The following ARHGAP40 variants were observed in gnomAD, a reference collection of about 807,000 sequenced individuals.
ARHGAP40 encodes the protein rho GTPase-activating protein 40.
A neutral mutation model predicts 73.5 loss-of-function variants in ARHGAP40; 43 were observed. The observed-to-expected ratio is 0.58, with a 90% CI of 0.46 to 0.75. The LOEUF is 0.75. Ranked by LOEUF, ARHGAP40 falls within the 30% of genes least tolerant of loss-of-function variation. The pLI, the probability that ARHGAP40 is intolerant of heterozygous loss-of-function variation, is 0.00. For missense variants in ARHGAP40, 734 were observed against 861.8 expected, an observed-to-expected ratio of 0.85 and a Z score of 1.86; for synonymous variants, 300 against 352.8, an observed-to-expected ratio of 0.85 and a Z score of 1.68.
chr20:38,637,654 C>A, intron 6 of ARHGAP40, 54 bp from the exon 7 acceptor site: 1 of 1,257,566 alleles, frequency 8.0e-7, no homozygotes, highest in Non-Finnish European at 1.1e-6. Context: ...TAGGTCGGAG[C>A]CCAGTGATCA....
chr20:38,633,783 G>A (rs1048073537), intron 5 of ARHGAP40, among the ~76,000 whole-genome samples: 6 of 152,362 alleles, frequency 3.9e-5, no homozygotes, highest in Admixed American at 3.3e-4. Context: ...AAAGCCTGGA[G>A]CTGCCTGCAG....
Position 38,646,596 on chromosome 20 carries a change from G to A in ARHGAP40, c.1711-361G>A, listed in dbSNP as rs1414380035. Among the ~76,000 whole-genome samples, 1 of 152,180 alleles carries A rather than the reference G, an allele frequency of 6.6e-6. No individual in the cohort carries two copies. The highest frequency in any genetic ancestry group is 1.5e-5 in the Non-Finnish European group (1 of 68,042). On this transcript the variant is annotated intron_variant, in intron 12 of 14. Coordinates refer to ENST00000373345, the Ensembl canonical transcript of ARHGAP40. This position sits in a 1 kb window ranked among gnomAD's most constrained non-coding sequence, Gnocchi z 4.5. ...GTCCTGAACACGGTTCCTTATTAAA[G>A]TCCCGATTAGAGAAATTGATGAGCG... is the stretch of plus-strand genomic sequence containing the variant.
At chr20:38,604,242 T>A (rs973987296) in intron 1 of ARHGAP40, among the ~76,000 whole-genome samples, 3 of 152,204 alleles carry the variant, frequency 2.0e-5, no homozygotes, top group Non-Finnish European at 4.4e-5. Context: ...AATATTGAAT[T>A]CACTATAAGA....
At chr20:38,606,983 T>C (rs2088773758) in intron 1 of ARHGAP40, among the ~76,000 whole-genome samples, 1 of 152,208 alleles carries the variant, frequency 6.6e-6, no homozygotes, top group African/African-American at 2.4e-5. Context: ...CCTTGGTTCC[T>C]TTTCTGTAAA....
At chr20:38,643,611 C>A in intron 10 of ARHGAP40, 93 bp from the exon 11 acceptor site, 1 of 1,074,084 alleles carries the variant, frequency 9.3e-7, no homozygotes, top group Admixed American at 2.5e-5. Flanking sequence ...TCCTTCCTAG[C>A]ACCCCCTTAT....
chr20:38,619,542 TGA>T (rs2088863195), intron 1 of ARHGAP40, among the ~76,000 whole-genome samples: 1 of 150,856 alleles, frequency 6.6e-6, no homozygotes, highest in African/African-American at 2.4e-5. Context: ...CAGGGAACTC[TGA>T]GAGGGGCACA....
intron 9 of ARHGAP40, among the ~76,000 whole-genome samples, chr20:38,640,168 T>TTCC (rs1368555107): frequency 2.4e-5 from 3 of 123,332 alleles, no homozygotes; most frequent in African/African-American, 1.1e-4. Flanking sequence ...TTCTTCTTTC[T>TTCC]TCTTCTTTCT....
exon 11 of ARHGAP40, chr20:38,643,777 C>A: frequency 7.7e-7 from 1 of 1,305,860 alleles, no homozygotes. Flanking sequence ...AATGTTTCCA[C>A]CGTGATGGCC....
rs762844499 is a variant in ARHGAP40 at position 38,639,397 on chromosome 20, C to T, written c.1279+11C>T. 31 of 1,305,092 alleles carry T rather than the reference C, an allele frequency of 2.4e-5. No individual in the cohort carries two copies. The highest frequency in any genetic ancestry group is 3.0e-5 in the Non-Finnish European group (30 of 988,800). 80.8% of individuals were successfully genotyped at this position (1,305,092 alleles called of 1,614,324 possible). ...TCGCCGTGGTGCCTAGTGAGTGTGC[C>T]CAAGCCCTTAGCCTGTGCAGGGATG... is the stretch of plus-strand genomic sequence containing the variant. On this transcript the variant is annotated intron_variant, in intron 9 of 14. Transcript: ENST00000373345.
chr20:38,603,982 C>A (rs908068730), intron 1 of ARHGAP40, among the ~76,000 whole-genome samples: 2 of 152,220 alleles, frequency 1.3e-5, no homozygotes, highest in African/African-American at 4.8e-5. Context: ...GATCGTCCCC[C>A]CAACTCAAGA....
chr20:38,648,395 C>T (rs369472967), intron 13 of ARHGAP40, among the ~76,000 whole-genome samples: 2 of 152,240 alleles, frequency 1.3e-5, no homozygotes, highest in African/African-American at 4.8e-5. Flanking sequence ...AGGGGCCTCG[C>T]AGCGGGGTGC....
At position 38,637,737 on chromosome 20, in the gene ARHGAP40, A is replaced by G. The variant is rs1053933589; in HGVS notation, c.979A>G (p.Ser327Gly). ...TCGCCTCTTTGGTGTGCCCCTTGAC[A>G]GCCTGCTAGAAGCTGACCACAAAGT... The change falls in exon 7 of 15, where the codon AGC becomes GGC. Residue 327 changes from serine to glycine, a missense_variant. Transcript: ENST00000373345. The G allele has an allele frequency of 6.1e-5, 80 of 1,305,168 alleles. No individual in the cohort carries two copies. Among genetic ancestry groups the G allele is most frequent in the Non-Finnish European group, 8.1e-5 (80 of 988,942 alleles). The allele number at this position is 1,305,168 out of a possible 1,614,324, so 80.8% of individuals were successfully genotyped here.
intron 2 of ARHGAP40, among the ~76,000 whole-genome samples, chr20:38,626,247 C>T (rs2088898343): frequency 6.6e-6 from 1 of 152,246 alleles, no homozygotes; most frequent in Non-Finnish European, 1.5e-5. Flanking sequence ...CTGGGTACAA[C>T]TGTACACCCC....
chr20:38,623,305 C>G lies in ARHGAP40; in HGVS notation c.138-54C>G, dbSNP rs149595163. 1,492 of 1,215,524 alleles carry G rather than the reference C, an allele frequency of 1.2e-3. 16 individuals carry two copies. The African/African-American group carries it at 0.021, about 17-fold the overall frequency. 75.3% of individuals were successfully genotyped at this position (1,215,524 alleles called of 1,614,324 possible). On this transcript the variant is annotated intron_variant, in intron 1 of 14. Transcript: ENST00000373345. ...GAGAGCCACAAGCCTCAGCACAACC[C>G]CCATCATAAGCAGAGACTTGCTGAC...
chr20:38,644,639 TATCCCCCCCACCC>T (rs1302876009), intron 11 of ARHGAP40, among the ~76,000 whole-genome samples: 1 of 12,744 alleles, frequency 7.8e-5, no homozygotes, highest in African/African-American at 3.7e-4. Context: ...CCCACCCACC[TATCCCCCCCACCC>T]ATCTACTTAC....
At chr20:38,604,478 C>T (rs1162993982) in intron 1 of ARHGAP40, among the ~76,000 whole-genome samples, 1 of 151,652 alleles carries the variant, frequency 6.6e-6, no homozygotes, top group African/African-American at 2.4e-5. Context: ...TCACTGCAAC[C>T]TCCGCCTCCC....
At chr20:38,649,814 A>G (rs560493158) in exon 15 of ARHGAP40, 2 of 1,305,292 alleles carry the variant, frequency 1.5e-6, no homozygotes, top group Admixed American at 2.3e-5. Context: ...GCCAACCCGC[A>G]TGGTGAGTGG....
At chr20:38,650,241 C>T (rs922199276) in exon 15 of ARHGAP40, 5 of 417,062 alleles carry the variant, frequency 1.2e-5, no homozygotes, top group East Asian at 7.1e-5. Flanking sequence ...CCACTTGGGG[C>T]GCTTGGATCT....
chr20:38,650,207 C>A (rs2089081106), exon 15 of ARHGAP40: 1 of 393,090 alleles, frequency 2.5e-6, no homozygotes, highest in Admixed American at 3.2e-5. Context: ...TTGCTTCCTA[C>A]ACCAAGCTTG....
Sources: gnomAD v4.1 joint callset for allele counts (sites outside exome capture counted in the v4.1 genomes callset) on GRCh38, gnomAD v4.1.1 for gene constraint, Gnocchi (gnomAD v3.1) non-coding constraint, MANE v1.5 for transcripts, NCBI Gene and HGNC (gene_info 2026-07-23, HGNC 2026-07-21) for gene names.